KIAA1671: variants seen among roughly 807,000 people sequenced by gnomAD.
KIAA1671 encodes the protein KIAA1671.
KIAA1671 carries 52 observed loss-of-function variants against 131.2 expected under a neutral mutation model. That is an observed-to-expected ratio of 0.40 (90% CI 0.32 to 0.50). KIAA1671 has a LOEUF of 0.50. KIAA1671 is among the 20% of genes least tolerant of loss of function. The probability of loss-of-function intolerance (pLI) is 0.73; values close to 1 mark genes in which losing one functional copy is unlikely to be tolerated. For synonymous variants in KIAA1671, 1,003 were observed against 961.6 expected (o/e 1.04, Z -0.80); for missense variants, 2,360 against 2,364.2 (o/e 1.00, Z 0.04).
chr22:25,117,858 C>T (rs772752847), intron 6 of KIAA1671, among the ~76,000 whole-genome samples: 12 of 151,882 alleles, frequency 7.9e-5, no homozygotes, highest in African/African-American at 2.2e-4. Flanking sequence ...TGTCAGCAGT[C>T]GGCCGGGTGT....
At chr22:25,170,059 G>A (rs1388417866) in intron 6 of KIAA1671, among the ~76,000 whole-genome samples, 7 of 152,042 alleles carry the variant, frequency 4.6e-5, no homozygotes, top group African/African-American at 1.7e-4. Context: ...AACTATAGGC[G>A]CCTGCCACCA....
intron 6 of KIAA1671, among the ~76,000 whole-genome samples, chr22:25,132,970 G>T (rs1932507876): frequency 1.4e-5 from 2 of 145,826 alleles, no homozygotes; most frequent in South Asian, 4.4e-4. Context: ...CAGGAGAATT[G>T]CTTGAACCCA....
chr22:25,020,879 G>C (rs2123890930), intron 1 of KIAA1671, among the ~76,000 whole-genome samples: 1 of 152,280 alleles, frequency 6.6e-6, no homozygotes, highest in African/African-American at 2.4e-5. Context: ...GAGACGAAGA[G>C]GATCTGGATC....
chr22:25,030,083 GAT>G (rs1926195756), intron 3 of KIAA1671, among the ~76,000 whole-genome samples: 1 of 152,186 alleles, frequency 6.6e-6, no homozygotes, highest in African/African-American at 2.4e-5. Context: ...CGTTAATACT[GAT>G]ACTCTTAAGT....
At chr22:25,079,378 C>T (rs909485403) in intron 6 of KIAA1671, among the ~76,000 whole-genome samples, 3 of 152,054 alleles carry the variant, frequency 2.0e-5, no homozygotes, top group Admixed American at 6.6e-5. Flanking sequence ...TATAGGGGCC[C>T]GGCCAGAATT....
intron 6 of KIAA1671, among the ~76,000 whole-genome samples, chr22:25,153,471 C>T (rs1933118395): frequency 6.6e-6 from 1 of 152,236 alleles, no homozygotes; most frequent in Admixed American, 6.5e-5. Context: ...CATCCTAGAC[C>T]TCACTGGGGG....
chr22:25,024,838 G>A (rs1431015083), intron 1 of KIAA1671, among the ~76,000 whole-genome samples: 1 of 152,102 alleles, frequency 6.6e-6, no homozygotes, highest in African/African-American at 2.4e-5. Context: ...TGATGTGAAG[G>A]ATGATGTCGT....
intron 6 of KIAA1671, among the ~76,000 whole-genome samples, chr22:25,097,511 C>T (rs1243192488): frequency 6.6e-6 from 1 of 152,132 alleles, no homozygotes; most frequent in African/African-American, 2.4e-5. Flanking sequence ...GAGGCTGAGG[C>T]AGATGGATCA....
At chr22:25,007,597 G>T (rs1199767260) in intron 1 of KIAA1671, among the ~76,000 whole-genome samples, 1 of 152,054 alleles carries the variant, frequency 6.6e-6, no homozygotes, top group Non-Finnish European at 1.5e-5. Flanking sequence ...GCTGAAACAG[G>T]GAAGAGGTGA....
chr22:24,979,356 T>C (rs1024388708), intron 1 of KIAA1671, among the ~76,000 whole-genome samples: 10 of 142,638 alleles, frequency 7.0e-5, no homozygotes, highest in Admixed American at 7.0e-4. Flanking sequence ...ATTTATTTAT[T>C]TATTTTTTTT....
intron 6 of KIAA1671, among the ~76,000 whole-genome samples, chr22:25,103,332 T>G (rs1470577247): frequency 1.3e-5 from 2 of 151,726 alleles, no homozygotes; most frequent in Non-Finnish European, 2.9e-5. Flanking sequence ...TGCCTCAGCC[T>G]CCCGGGTAGC....
At chr22:25,160,533 T>G (rs1933406727) in intron 6 of KIAA1671, among the ~76,000 whole-genome samples, 1 of 152,122 alleles carries the variant, frequency 6.6e-6, no homozygotes, top group Non-Finnish European at 1.5e-5. Context: ...CTCCCTCTCC[T>G]CTTCTGCTCT....
At chr22:25,071,232 A>T (rs796944340) in intron 6 of KIAA1671, among the ~76,000 whole-genome samples, 5 of 152,352 alleles carry the variant, frequency 3.3e-5, no homozygotes, top group African/African-American at 1.2e-4. Context: ...CACTGGTTTC[A>T]GCACACCCAA....
intron 6 of KIAA1671, among the ~76,000 whole-genome samples, chr22:25,162,424 G>A (rs943902232): frequency 6.6e-6 from 1 of 152,332 alleles, no homozygotes; most frequent in Non-Finnish European, 1.5e-5. Flanking sequence ...GTGCCACCGA[G>A]CACTGCCCTG....
chr22:25,066,444 T>C (rs1251939382), intron 6 of KIAA1671, among the ~76,000 whole-genome samples: 1 of 152,218 alleles, frequency 6.6e-6, no homozygotes, highest in African/African-American at 2.4e-5. Context: ...CCACCATGCC[T>C]GACCTCAAGC....
intron 10 of KIAA1671, among the ~76,000 whole-genome samples, chr22:25,182,212 T>A (rs1193551372): frequency 1.1e-4 from 16 of 151,212 alleles, no homozygotes; most frequent in Admixed American, 1.1e-3. Context: ...TATTCCTTCC[T>A]TCCGTCCTTC....
Position 25,195,927 on chromosome 22 carries a change from G to A in KIAA1671, c.*3526G>A, listed in dbSNP as rs982496695. The A allele has an allele frequency of 3.9e-5, 6 of 152,098 alleles. No individual in the cohort carries two copies. The highest frequency in any genetic ancestry group is 1.2e-4 in the African/African-American group (5 of 41,404). 9.4% of individuals were successfully genotyped at this position (152,098 alleles called of 1,614,324 possible). ...CGAAGTTCCATGGCATCATGATTCC[G>A]AGGGGCTGGAGGGATAGGACCCACT... is the stretch of plus-strand genomic sequence containing the variant. On this transcript the variant is annotated 3_prime_UTR_variant, in exon 13 of 13. Transcript: ENST00000358431.
At chr22:25,115,839 C>T (rs1451948026) in intron 6 of KIAA1671, among the ~76,000 whole-genome samples, 1 of 152,168 alleles carries the variant, frequency 6.6e-6, no homozygotes, top group East Asian at 1.9e-4. Context: ...TGCAGTGGCA[C>T]AGTCTCGGCT....
rs536686123 is a variant in KIAA1671, at chr22:25,064,707, C to T, written c.4530+15343C>T. 3 of 152,326 alleles carry T rather than the reference C, an allele frequency of 2.0e-5. No homozygotes were observed. In the East Asian group the frequency reaches 5.8e-4, roughly 29 times the overall value. The allele number at this position is 152,326 out of a possible 1,614,324, so 9.4% of individuals were successfully genotyped here. A position where few individuals can be genotyped will look rare whatever the true frequency, so the allele number is the denominator to read the frequency against. The stretch of plus-strand genomic sequence containing the variant: ...GCACATGTCTGGCTTCCCTGGGTCC[C>T]CTTTGGTGGCCGACAATGCAGTGCA... On this transcript the variant is annotated intron_variant, in intron 6 of 12. Coordinates refer to ENST00000358431, the MANE Select transcript of KIAA1671 (RefSeq NM_001145206.2).
Sources: allele counts gnomAD v4.1 joint callset (sites outside exome capture counted in the v4.1 genomes callset), GRCh38; gene constraint gnomAD v4.1.1; transcripts MANE v1.5; gene names NCBI Gene and HGNC (gene_info 2026-07-23, HGNC 2026-07-21).